The following VIRMA variants were observed in gnomAD, a reference collection of about 807,000 sequenced individuals.
VIRMA encodes vir like m6A methyltransferase associated.
Under a neutral mutation model 182.4 loss-of-function variants are expected in VIRMA, and 65 were observed. The observed-to-expected ratio is 0.36, with a 90% CI of 0.29 to 0.44. The LOEUF is 0.44. Among genes scored for constraint, VIRMA ranks in the 20% least tolerant of loss-of-function variants. VIRMA has a pLI of 1.00. For missense variants in VIRMA, 1,752 were observed against 2,158.1 expected, an observed-to-expected ratio of 0.81 and a Z score of 3.73; for synonymous variants, 709 against 743.1, an observed-to-expected ratio of 0.95 and a Z score of 0.75.
intron 16 of VIRMA, among the ~76,000 whole-genome samples, chr8:94,501,352 C>T (rs989510871): frequency 6.7e-6 from 1 of 149,704 alleles, no homozygotes; most frequent in Middle Eastern, 3.5e-3. Flanking sequence ...TACAAATGAA[C>T]CATATAACCA....
intron 13 of VIRMA, 29 bp downstream of exon 13, chr8:94,511,156 A>G (rs1438197621): frequency 9.4e-6 from 15 of 1,595,812 alleles, no homozygotes; most frequent in Non-Finnish European, 1.2e-5. Context: ...GCAGTCATTT[A>G]TAAGATGCAT....
At chr8:94,545,297 T>C (rs1315193725) in intron 1 of VIRMA, among the ~76,000 whole-genome samples, 1 of 152,226 alleles carries the variant, frequency 6.6e-6, no homozygotes, top group Non-Finnish European at 1.5e-5. Flanking sequence ...ACTTTTCCTA[T>C]TACTTCAGTC....
intron 16 of VIRMA, 38 bp downstream of exon 16, chr8:94,506,462 T>A (rs1482901759): frequency 7.4e-7 from 1 of 1,349,438 alleles, no homozygotes; most frequent in Non-Finnish European, 1.0e-6. Flanking sequence ...AATGAAAAAA[T>A]TAAATCTGAG....
intron 15 of VIRMA, among the ~76,000 whole-genome samples, chr8:94,508,304 T>C (rs904814470): frequency 5.9e-5 from 9 of 152,120 alleles, no homozygotes; most frequent in Non-Finnish European, 1.2e-4. Flanking sequence ...CAGGCTGGTC[T>C]CAAACTCCTG....
At chr8:94,518,936 T>G (rs1438621207) in intron 9 of VIRMA, 49 bp downstream of exon 9, 13 of 1,484,622 alleles carry the variant, frequency 8.8e-6, no homozygotes, top group Non-Finnish European at 1.2e-5. Flanking sequence ...CATTAGTTAA[T>G]CTGATTTTCT....
rs1447874087 is a variant in VIRMA, at chr8:94,529,064, AC to A, written c.880+5del. 6.2e-7 allele frequency: 1 copy of A among 1,610,520 alleles called. No individual in the cohort carries two copies. Among genetic ancestry groups the A allele is most frequent in the Non-Finnish European group, 8.5e-7 (1 of 1,176,938 alleles). On this transcript the variant is annotated splice_donor_5th_base_variant and intron_variant, in intron 7 of 23. Transcript: ENST00000297591. ...AAACCCCAAAGTCCTAGCTAACATA[AC>A]CCACCTTCACCTTCTTCATCCTCTT... is the stretch of plus-strand genomic sequence containing the variant.
chr8:94,532,270 C>A (rs1254749467), intron 5 of VIRMA, among the ~76,000 whole-genome samples: 1 of 152,200 alleles, frequency 6.6e-6, no homozygotes, highest in East Asian at 1.9e-4. Flanking sequence ...CCATGCCCAG[C>A]AAATTTTTGT....
intron 22 of VIRMA, 193 bp from the exon 23 acceptor site, chr8:94,490,275 A>G: frequency 1.8e-6 from 1 of 561,194 alleles, no homozygotes; most frequent in Non-Finnish European, 3.1e-6. Flanking sequence ...GGGATCAAAT[A>G]CTGGTTCTAC....
At chr8:94,546,612 A>G (rs1199419560) in intron 1 of VIRMA, among the ~76,000 whole-genome samples, 1 of 150,934 alleles carries the variant, frequency 6.6e-6, no homozygotes, top group East Asian at 1.9e-4. Flanking sequence ...GGTTGTTTAC[A>G]TGGATAAGTT....
At chr8:94,530,845 A>C in intron 6 of VIRMA, 118 bp downstream of exon 6, 1 of 1,086,248 alleles carries the variant, frequency 9.2e-7, no homozygotes, top group Non-Finnish European at 1.3e-6. Flanking sequence ...CCAGGTGGTC[A>C]AGACTGCAGT....
chr8:94,528,864 T>C (rs1336903380), intron 7 of VIRMA, among the ~76,000 whole-genome samples: 1 of 152,186 alleles, frequency 6.6e-6, no homozygotes, highest in East Asian at 1.9e-4. Context: ...GGCTGGCTGG[T>C]TAAACAGGGG....
At chr8:94,520,852 G>T (rs969126399) in intron 8 of VIRMA, among the ~76,000 whole-genome samples, 1 of 152,068 alleles carries the variant, frequency 6.6e-6, no homozygotes, top group Non-Finnish European at 1.5e-5. Context: ...TAGGGAAAAA[G>T]CTTTCAAATT....
chr8:94,521,800 T>C (rs1814780469), intron 8 of VIRMA, among the ~76,000 whole-genome samples: 1 of 152,178 alleles, frequency 6.6e-6, no homozygotes. Flanking sequence ...AACTGCTTAC[T>C]ACAAAGGCAA....
chr8:94,495,654 A>AG, intron 19 of VIRMA, 77 bp downstream of exon 19: 1 of 1,242,340 alleles, frequency 8.0e-7, no homozygotes, highest in Non-Finnish European at 1.1e-6. Flanking sequence ...ATAGAAAAAA[A>AG]CGTTTGCTGG....
chr8:94,496,027 A>G, intron 18 of VIRMA, 136 bp from the exon 19 acceptor site: 2 of 726,220 alleles, frequency 2.8e-6, no homozygotes, highest in East Asian at 5.5e-5. Flanking sequence ...ATTAACATTA[A>G]ACACATTAAA....
rs777978684 is a variant in VIRMA at position 94,488,656 on chromosome 8, T to C, written c.*50A>G. 14 of 1,565,734 alleles carry C rather than the reference T, an allele frequency of 8.9e-6. No individual in the cohort carries two copies. In the East Asian group the frequency reaches 2.9e-4, roughly 33 times the overall value. ...TTGGTCCTTCAATGTCTTATTTTTA[T>C]TGTCCTCGTGAAATGTTCATATACA... On this transcript the variant is annotated 3_prime_UTR_variant, in exon 24 of 24. Transcript: ENST00000297591.
chr8:94,512,489 T>A, intron 11 of VIRMA: 1 of 152,436 alleles, frequency 6.6e-6, no homozygotes, highest in East Asian at 1.9e-4. Flanking sequence ...TAAAAAGTCC[T>A]GTGGAGGCTG....
At chr8:94,538,112 A>G (rs1250999933) in intron 3 of VIRMA, 148 bp downstream of exon 3, 1 of 618,714 alleles carries the variant, frequency 1.6e-6, no homozygotes, top group South Asian at 2.1e-5. Context: ...GGAGTTTGAC[A>G]TTTCTTTAAT....
chr8:94,491,771 T>C lies in VIRMA; in HGVS notation c.4947A>G (p.Pro1649=). ...FRQRKQNTSR[P]PSMHVDDFVA... ...CAAAGTCATCCACATGCATAGATGG[T>C]GGTCTACTTGTGTTCTGTTTTCTCT... The change falls in exon 22 of 24, where the codon CCA becomes CCG. Residue 1649 remains proline, a synonymous_variant. Transcript: ENST00000297591. The C allele has an allele frequency of 1.9e-6, 3 of 1,614,056 alleles. No homozygotes were observed. Among genetic ancestry groups the C allele is most frequent in the Non-Finnish European group, 2.5e-6 (3 of 1,180,014 alleles).
Sources: allele counts gnomAD v4.1 joint callset (sites outside exome capture counted in the v4.1 genomes callset), GRCh38; gene constraint gnomAD v4.1.1; transcripts MANE v1.5; gene names NCBI Gene and HGNC (gene_info 2026-07-23, HGNC 2026-07-21).